The following FRMD4A variants were observed in gnomAD, a reference collection of about 807,000 sequenced individuals.
The protein encoded by FRMD4A is FERM domain-containing protein 4A.
In FRMD4A, 29 loss-of-function variants were observed where a neutral mutation model predicts 129.1. The observed-to-expected ratio is 0.22, with a 90% CI of 0.17 to 0.31. The LOEUF is 0.31. Ranked by LOEUF, FRMD4A falls within the 10% of genes least tolerant of loss-of-function variation. FRMD4A has a pLI of 1.00. For missense variants in FRMD4A, 1,272 were observed against 1,375.8 expected, an observed-to-expected ratio of 0.92 and a Z score of 1.19; for synonymous variants, 634 against 571.6, an observed-to-expected ratio of 1.11 and a Z score of -1.56.
intron 2 of FRMD4A, among the ~76,000 whole-genome samples, chr10:14,261,431 C>T (rs1844796607): frequency 6.6e-6 from 1 of 152,068 alleles, no homozygotes. Context: ...TTCAGTTTTC[C>T]TGAACTGAAA....
At chr10:13,996,065 G>A (rs2095621488) in intron 2 of FRMD4A, among the ~76,000 whole-genome samples, 2 of 152,158 alleles carry the variant, frequency 1.3e-5, no homozygotes, top group South Asian at 2.1e-4. Context: ...TGCCTGGGGA[G>A]CACTCACTTT....
chr10:13,708,403 G>A (rs1398136941), intron 12 of FRMD4A, among the ~76,000 whole-genome samples: 12 of 152,142 alleles, frequency 7.9e-5, no homozygotes. Context: ...AACTGCTTCT[G>A]GAATGGCCAC....
chr10:13,737,204 C>G (rs2090682480), intron 12 of FRMD4A, among the ~76,000 whole-genome samples: 1 of 152,222 alleles, frequency 6.6e-6, no homozygotes. Context: ...ATTCTCATGC[C>G]TCAGCCTCCC....
chr10:13,817,183 G>A (rs143281397), intron 3 of FRMD4A, among the ~76,000 whole-genome samples: 2 of 152,254 alleles, frequency 1.3e-5, no homozygotes, highest in African/African-American at 4.8e-5. Context: ...AGAAACCTGG[G>A]CTTCAGCCAT....
intron 17 of FRMD4A, chr10:13,667,350 A>AC (rs1220328965): frequency 1.5e-5 from 1 of 67,322 alleles, no homozygotes; most frequent in South Asian, 6.8e-4. Flanking sequence ...CTCCCACCCC[A>AC]CCCCCCCAGC....
At position 14,317,630 on chromosome 10, in the gene FRMD4A, CT is replaced by C. The variant is rs143938962; in HGVS notation, c.45+12427del. ...CCACAATATCTCTGACTGAGACCCT[CT>C]TAAAATCTTTTTACAAAGAGAAGGA... On this transcript the variant is annotated intron_variant, in intron 2 of 24. Coordinates refer to ENST00000357447, the MANE Select transcript of FRMD4A (RefSeq NM_018027.5). Among the ~76,000 whole-genome samples, 777 of 151,020 alleles carry C rather than the reference CT, an allele frequency of 5.1e-3. 5 individuals carry two copies. The highest frequency in any genetic ancestry group is 5.6e-3 in the Non-Finnish European group (379 of 67,894).
rs78852866 is a variant in FRMD4A, at chr10:13,645,363, A to ACCCCCAT, written c.*1674_*1675insATGGGGG. ...AGAGTGAGAAAAAAATTCCACCCCC[A>ACCCCCAT]CCCCATCCCCCCACCACTTGCGCCA... On this transcript the variant is annotated 3_prime_UTR_variant, in exon 25 of 25. Transcript: ENST00000357447. 6.9e-6 allele frequency: 1 copy of ACCCCCAT among 144,394 alleles called. No individual in the cohort carries two copies. The highest frequency in any genetic ancestry group is 1.5e-5 in the Non-Finnish European group (1 of 66,660). The allele number at this position is 144,394 out of a possible 1,614,324, so 8.9% of individuals were successfully genotyped here. A position where few individuals can be genotyped will look rare whatever the true frequency, so the allele number is the denominator to read the frequency against.
At chr10:14,294,995 T>A (rs940554365) in intron 2 of FRMD4A, among the ~76,000 whole-genome samples, 2 of 152,114 alleles carry the variant, frequency 1.3e-5, no homozygotes, top group African/African-American at 4.8e-5. Context: ...ATGGGGAAAC[T>A]AAAGTCAGAC....
intron 5 of FRMD4A, among the ~76,000 whole-genome samples, chr10:13,786,969 A>T (rs1015782967): frequency 6.6e-6 from 1 of 152,228 alleles, no homozygotes; most frequent in Admixed American, 6.5e-5. Flanking sequence ...ATAGTATATT[A>T]AGAAAATATA....
rs2081007422 is a variant in FRMD4A, at chr10:13,644,645, C to G, written c.*2393G>C. On this transcript the variant is annotated 3_prime_UTR_variant, in exon 25 of 25. Transcript: ENST00000357447. ...CCAGACTAGATTTCAAGCTACTATGCATGATGTAGAACATGTAACCATGTA... is the reference window on the plus strand; with the variant it reads ...CCAGACTAGATTTCAAGCTACTATGGATGATGTAGAACATGTAACCATGTA... 6.6e-6 allele frequency: 1 copy of G among 152,238 alleles called. No individual in the cohort carries two copies. The highest frequency in any genetic ancestry group is 1.5e-5 in the Non-Finnish European group (1 of 68,050). The allele number at this position is 152,238 out of a possible 1,614,324, so 9.4% of individuals were successfully genotyped here. A position where few individuals can be genotyped will look rare whatever the true frequency, so the allele number is the denominator to read the frequency against.
At chr10:14,148,741 G>A (rs1840201404) in intron 2 of FRMD4A, among the ~76,000 whole-genome samples, 1 of 150,292 alleles carries the variant, frequency 6.7e-6, no homozygotes, top group Admixed American at 6.6e-5. Context: ...CAGCCTAGGT[G>A]ACAGAGCGAG....
At chr10:13,934,299 A>G (rs1327519035) in intron 2 of FRMD4A, among the ~76,000 whole-genome samples, 2 of 152,208 alleles carry the variant, frequency 1.3e-5, no homozygotes, top group Non-Finnish European at 2.9e-5. Flanking sequence ...ATTCACAGAG[A>G]AAACTATTAT....
rs151164710 is a variant in FRMD4A, at chr10:14,155,010, A to G, written c.45+175048T>C. Among the ~76,000 whole-genome samples, 1,004 of 152,314 alleles carry G rather than the reference A, an allele frequency of 6.6e-3. 8 individuals carry two copies. Among genetic ancestry groups the G allele is most frequent in the Non-Finnish European group, 8.5e-3 (576 of 68,032 alleles). ...CTTTGTGTCTTTAAGATTATTGTGG[A>G]CTGCATGTGGTGGCTCACACTTGTC... On this transcript the variant is annotated intron_variant, in intron 2 of 24. Coordinates refer to ENST00000357447, the MANE Select transcript of FRMD4A (RefSeq NM_018027.5).
At chr10:14,215,001 T>TTAAA (rs1439372839) in intron 2 of FRMD4A, among the ~76,000 whole-genome samples, 3 of 152,200 alleles carry the variant, frequency 2.0e-5, no homozygotes, top group African/African-American at 7.2e-5. Context: ...TGAGGCTGAA[T>TTAAA]TAGAGCAAGC....
At chr10:14,164,987 C>A (rs961000420) in intron 2 of FRMD4A, among the ~76,000 whole-genome samples, 2 of 152,180 alleles carry the variant, frequency 1.3e-5, no homozygotes, top group African/African-American at 2.4e-5. Flanking sequence ...AAAGATTGGA[C>A]ACCCCTGGAT....
rs113216027 is a variant in FRMD4A, at chr10:14,235,260, C to T, written c.45+94798G>A. Among the ~76,000 whole-genome samples the T allele has an allele frequency of 2.9e-3, 405 of 140,514 alleles. 24 individuals carry two copies. The highest frequency in any genetic ancestry group is 9.8e-3 in the African/African-American group (378 of 38,412). The allele number at this position is 140,514 out of a possible 152,430, so 92.2% of individuals were successfully genotyped here. A position where few individuals can be genotyped will look rare whatever the true frequency, so the allele number is the denominator to read the frequency against. On this transcript the variant is annotated intron_variant, in intron 2 of 24. Transcript: ENST00000357447. ...CGCCTCCCGGGTTCACGCCATTCTC[C>T]GGCCTCAGCCTCCCGAGCAGCTGAG...
chr10:13,881,584 C>T (rs940436524), intron 2 of FRMD4A, among the ~76,000 whole-genome samples: 37 of 152,088 alleles, frequency 2.4e-4, no homozygotes, highest in African/African-American at 9.7e-5. Context: ...TAGAGATCTG[C>T]GCAGACAAGT....
intron 2 of FRMD4A, among the ~76,000 whole-genome samples, chr10:14,089,815 G>A (rs1261106484): frequency 3.3e-5 from 5 of 152,228 alleles, no homozygotes; most frequent in African/African-American, 1.2e-4. Context: ...CAGTGCCAAT[G>A]TCCAGGTAGT....
At chr10:13,906,360 C>G (rs1479950771) in intron 2 of FRMD4A, among the ~76,000 whole-genome samples, 4 of 152,150 alleles carry the variant, frequency 2.6e-5, no homozygotes, top group African/African-American at 9.7e-5. Context: ...TGGTAGCTGA[C>G]TCCTGAGGTT....
Sources: allele counts gnomAD v4.1 joint callset (sites outside exome capture counted in the v4.1 genomes callset), GRCh38; gene constraint gnomAD v4.1.1; transcripts MANE v1.5; gene names NCBI Gene and HGNC (gene_info 2026-07-23, HGNC 2026-07-21).